UPF3A: variants seen among roughly 807,000 people sequenced by gnomAD.
UPF3A encodes UPF3A regulator of nonsense mediated mRNA decay.
A neutral mutation model predicts 53.5 loss-of-function variants in UPF3A; 42 were observed. That is an observed-to-expected ratio of 0.78 (90% CI 0.61 to 1.01). UPF3A has a LOEUF of 1.01. Among genes scored for constraint, UPF3A ranks in the 50% least tolerant of loss-of-function variants. The pLI, the probability that UPF3A is intolerant of heterozygous loss-of-function variation, is 0.00. For synonymous variants in UPF3A, 237 were observed against 225.3 expected, an observed-to-expected ratio of 1.05 and a Z score of -0.47; for missense variants, 575 against 598.0, an observed-to-expected ratio of 0.96 and a Z score of 0.40.
At position 114,302,031 on chromosome 13, in the gene UPF3A, T is replaced by C. The variant is rs1379411715; in HGVS notation, c.1302+6T>C. ...AAGAGCGACTGGCAAACAAGGTTTT[T>C]ATTAAACCCAAAAAGAAAAATGTGT... On this transcript the variant is annotated splice_donor_region_variant and intron_variant, in intron 9 of 9. Coordinates refer to ENST00000375299, the MANE Select transcript of UPF3A (RefSeq NM_023011.4). 7.3e-6 allele frequency: 11 copies of C among 1,509,164 alleles called. No homozygotes were observed. Among genetic ancestry groups the C allele is most frequent in the African/African-American group, 1.4e-5 (1 of 71,410 alleles). The allele number at this position is 1,509,164 out of a possible 1,614,324, so 93.5% of individuals were successfully genotyped here.
At chr13:114,295,911 G>A (rs1360637797) in intron 7 of UPF3A, among the ~76,000 whole-genome samples, 5 of 152,152 alleles carry the variant, frequency 3.3e-5, no homozygotes, top group Non-Finnish European at 5.9e-5. Context: ...GGGGCTGGGG[G>A]CCCCAGGCAG....
chr13:114,305,032 A>G lies in UPF3A; in HGVS notation c.*115A>G, dbSNP rs1044484389. The G allele has an allele frequency of 8.0e-6, 11 of 1,372,962 alleles. No individual in the cohort carries two copies. The highest frequency in any genetic ancestry group is 1.1e-5 in the Non-Finnish European group (11 of 991,028). The allele number at this position is 1,372,962 out of a possible 1,614,324, so 85.0% of individuals were successfully genotyped here. The stretch of plus-strand genomic sequence containing the variant: ...TTCCTTACCAGGAAACTGGAAGCTA[A>G]AAATACAGAGGGTGACGTAGAAACA... On this transcript the variant is annotated 3_prime_UTR_variant, in exon 10 of 10. Coordinates refer to ENST00000375299, the MANE Select transcript of UPF3A (RefSeq NM_023011.4).
intron 5 of UPF3A, among the ~76,000 whole-genome samples, chr13:114,290,307 G>A (rs1400225264): frequency 1.3e-5 from 2 of 152,106 alleles, no homozygotes; most frequent in Non-Finnish European, 2.9e-5. Context: ...AGGGTGTCAG[G>A]GGTTCTCAGT....
At chr13:114,299,219 CTGT>C (rs2086356684) in intron 8 of UPF3A, among the ~76,000 whole-genome samples, 2 of 152,306 alleles carry the variant, frequency 1.3e-5, no homozygotes, top group Admixed American at 6.5e-5. Flanking sequence ...GAGTTTCTTC[CTGT>C]TGTTTGCTTT....
At chr13:114,294,204 G>GGT (rs1407026551) in intron 7 of UPF3A, among the ~76,000 whole-genome samples, 4 of 151,880 alleles carry the variant, frequency 2.6e-5, no homozygotes, top group Non-Finnish European at 5.9e-5. Context: ...TGCAAAAGAA[G>GGT]GTGTATCAAC....
intron 7 of UPF3A, among the ~76,000 whole-genome samples, chr13:114,294,850 C>A (rs923117492): frequency 7.2e-6 from 1 of 139,532 alleles, no homozygotes; most frequent in Non-Finnish European, 1.5e-5. Context: ...CGGTGGCTCA[C>A]ACCTGTAATC....
intron 5 of UPF3A, among the ~76,000 whole-genome samples, chr13:114,288,809 A>G (rs57082824): frequency 0.075 from 11,375 of 152,156 alleles, 784 homozygotes; most frequent in East Asian, 0.35. Flanking sequence ...CATTATACAC[A>G]AGGGAACATG....
intron 7 of UPF3A, among the ~76,000 whole-genome samples, chr13:114,292,918 C>T (rs774675968): frequency 1.3e-5 from 2 of 151,774 alleles, no homozygotes; most frequent in Non-Finnish European, 2.9e-5. Context: ...ACTAAAAATA[C>T]AAAAATTAGC....
At chr13:114,303,317 T>G (rs570436770) in intron 9 of UPF3A, among the ~76,000 whole-genome samples, 124 of 152,246 alleles carry the variant, frequency 8.1e-4, no homozygotes, top group African/African-American at 2.5e-3. Context: ...TGGCCTGGTG[T>G]TTCCCCCGAC....
rs1324617329 is a variant in UPF3A, at chr13:114,281,676, G to A, written c.37G>A (p.Ala13Thr). Residue 13 changes from alanine (A) to threonine (T), a missense_variant, in exon 1 of 10, where the codon GCG (alanine) becomes ACG (threonine). Around this residue, in one of 2 missense-constraint regions of UPF3A, gnomAD observed 252 missense variants for 182.7 expected, o/e 1.38. Transcript: ENST00000375299. ...SEKEGAGGLR[A>T]AVAARGPSGR... The stretch of plus-strand genomic sequence containing the variant: ...AAAGGAGGGGGCCGGAGGCCTTCGG[G>A]CGGCCGTTGCCGCGCGGGGCCCGAG... 5 of 1,531,326 alleles carry A rather than the reference G, an allele frequency of 3.3e-6. No homozygotes were observed. Among genetic ancestry groups the A allele is most frequent in the East Asian group, 5.0e-5 (2 of 39,670 alleles). The allele number at this position is 1,531,326 out of a possible 1,614,324, so 94.9% of individuals were successfully genotyped here. A position where few individuals can be genotyped will look rare whatever the true frequency, so the allele number is the denominator to read the frequency against.
chr13:114,282,136 C>T lies in UPF3A; in HGVS notation c.314+9C>T, dbSNP rs1399609023. On this transcript the variant is annotated intron_variant, in intron 2 of 9. Transcript: ENST00000375299. ...TTCGCCGCCGACCTGAGGTGAGGCC[C>T]GCCCCGAGGGGAGGAAGAGAGGGCG... is the stretch of plus-strand genomic sequence containing the variant. 25 of 1,545,938 alleles carry T rather than the reference C, an allele frequency of 1.6e-5. No homozygotes were observed. Among genetic ancestry groups the T allele is most frequent in the Non-Finnish European group, 2.2e-5 (25 of 1,144,800 alleles).
Position 114,282,115 on chromosome 13 carries a change from C to T in UPF3A, c.302C>T (p.Ala101Val). The change falls in exon 2 of 10, where the codon GCC (alanine) becomes GTC (valine). Residue 101 changes from alanine (A) to valine (V), a missense_variant. Around this residue, in one of 2 missense-constraint regions of UPF3A, gnomAD observed 252 missense variants for 182.7 expected, o/e 1.38. Transcript: ENST00000375299. ...GCACACGACTACTTCGAGTTCTTCG[C>T]CGCCGACCTGAGGTGAGGCCCGCCC... ...LPAHDYFEFF[A>V]ADLSLYPHLY... The T allele has an allele frequency of 5.7e-6, 9 of 1,565,742 alleles. No homozygotes were observed. The highest frequency in any genetic ancestry group is 7.8e-6 in the Non-Finnish European group (9 of 1,156,350).
chr13:114,301,545 A>G (rs1168279004), intron 8 of UPF3A, among the ~76,000 whole-genome samples, 186 bp from the exon 9 acceptor site: 3 of 151,728 alleles, frequency 2.0e-5, no homozygotes, highest in African/African-American at 7.3e-5. Context: ...TATTACTATG[A>G]TTTATTCCTC....
In UPF3A at chr13:114,281,954, A is replaced by C. The variant is rs1464219779; in HGVS notation, c.208-67A>C. 3 of 1,427,766 alleles carry C rather than the reference A, an allele frequency of 2.1e-6. No homozygotes were observed. In the African/African-American group the frequency reaches 4.6e-5, roughly 22 times the overall value. 88.4% of individuals were successfully genotyped at this position (1,427,766 alleles called of 1,614,324 possible). On this transcript the variant is annotated intron_variant, in intron 1 of 9. Transcript: ENST00000375299. ...CGGGGGCCGGGCCTCCCAGCGCGGT[A>C]CGCGGTGCCTTTTGAGCTCCTTGTC...
intron 7 of UPF3A, among the ~76,000 whole-genome samples, chr13:114,295,652 G>A (rs538412373): frequency 1.3e-5 from 2 of 152,312 alleles, no homozygotes; most frequent in Admixed American, 1.3e-4. Flanking sequence ...GATGCTACCT[G>A]AGGTTATCTT....
intron 9 of UPF3A, among the ~76,000 whole-genome samples, chr13:114,304,254 C>T (rs371423850): frequency 6.6e-6 from 1 of 152,260 alleles, no homozygotes; most frequent in African/African-American, 2.4e-5. Context: ...CTATGCTTCC[C>T]TGGCTGTTGC....
chr13:114,298,185 G>A lies in UPF3A; in HGVS notation c.847-655G>A, dbSNP rs145283360. Among the ~76,000 whole-genome samples, 615 of 151,986 alleles carry A rather than the reference G, an allele frequency of 4.0e-3. 6 individuals carry two copies. Among genetic ancestry groups the A allele is most frequent in the African/African-American group, 0.014 (591 of 41,478 alleles). Reference sequence around the variant, plus strand: ...TCAGGGGTTTGAGATCAGCCTGGCCGACATACTGAAACCCCGTCTCTACTA... The same window carrying A: ...TCAGGGGTTTGAGATCAGCCTGGCCAACATACTGAAACCCCGTCTCTACTA... On this transcript the variant is annotated intron_variant, in intron 7 of 9. Transcript: ENST00000375299.
intron 8 of UPF3A, among the ~76,000 whole-genome samples, chr13:114,299,340 G>A (rs906062257): frequency 3.9e-5 from 6 of 151,926 alleles, no homozygotes; most frequent in African/African-American, 1.5e-4. Flanking sequence ...TTTGTTTTTT[G>A]TTTTTTATTT....
rs763481628 is a variant in UPF3A, at chr13:114,281,778, A to C, written c.139A>C (p.Thr47Pro). The C allele has an allele frequency of 1.3e-5, 21 of 1,555,834 alleles. No individual in the cohort carries two copies. The East Asian group carries it at 4.4e-4, about 32-fold the overall frequency. Residue 47 changes from threonine to proline, a missense_variant, in exon 1 of 10, where the codon ACT becomes CCT. Thr to Pro is a conservative substitution (Grantham distance 38, BLOSUM62 -1). This residue lies in a region of UPF3A where 252 missense variants were observed against 182.7 expected (regional missense o/e 1.38). Coordinates refer to ENST00000375299, the MANE Select transcript of UPF3A (RefSeq NM_023011.4). ...SQQQEAETPP[T>P]SSSGCGGGAG... ...GCAGCAGGAGGCTGAGACGCCGCCA[A>C]CTTCGTCCTCCGGTTGCGGGGGCGG...
Sources: gnomAD v4.1 joint callset for allele counts (sites outside exome capture counted in the v4.1 genomes callset) on GRCh38, gnomAD v4.1.1 for gene constraint, gnomAD v4.1.1 regional missense constraint, MANE v1.5 for transcripts, NCBI Gene and HGNC (gene_info 2026-07-23, HGNC 2026-07-21) for gene names.